Variants in GABBR2 observed in about 807,000 individuals in gnomAD.
The protein encoded by GABBR2 is gamma-aminobutyric acid type B receptor subunit 2.
GABBR2 carries 23 observed loss-of-function variants against 105.6 expected under a neutral mutation model. The observed-to-expected ratio is 0.22, with a 90% confidence interval of 0.16 to 0.31. GABBR2 has a LOEUF of 0.31. GABBR2 is among the 10% of genes least tolerant of loss of function. The pLI is 1.00. For missense variants in GABBR2, 734 were observed against 1,245.5 expected (o/e 0.59, Z 6.18); for synonymous variants, 478 against 499.7 (o/e 0.96, Z 0.58).
At chr9:98,343,915 A>T (rs1199506120) in intron 13 of GABBR2, among the ~76,000 whole-genome samples, 1 of 152,224 alleles carries the variant, frequency 6.6e-6, no homozygotes, top group African/African-American at 2.4e-5. Flanking sequence ...ATATACTCAC[A>T]CATACATACT....
chr9:98,349,313 G>T (rs1382394844), intron 13 of GABBR2, among the ~76,000 whole-genome samples: 29 of 120,144 alleles, frequency 2.4e-4, no homozygotes, highest in Non-Finnish European at 1.5e-4. Context: ...TTGATGTGTT[G>T]TTGGATTTGG....
At position 98,612,650 on chromosome 9, in the gene GABBR2, C is replaced by T. The variant is rs192745580; in HGVS notation, c.322-34578G>A. ...CTCCTCCTCCTTGCTGTAATAAACA[C>T]ACAGCAATGATAGCTGAAATACAAA... On this transcript the variant is annotated intron_variant, in intron 1 of 18. Transcript: ENST00000259455. Among the ~76,000 whole-genome samples the T allele has an allele frequency of 2.8e-3, 421 of 152,274 alleles. 13 individuals carry two copies. Among genetic ancestry groups the T allele is most frequent in the Admixed American group, 0.025 (377 of 15,296 alleles).
chr9:98,488,647 C>T (rs1201537306), intron 4 of GABBR2, among the ~76,000 whole-genome samples: 6 of 151,526 alleles, frequency 4.0e-5, no homozygotes, highest in South Asian at 4.2e-4. Flanking sequence ...TTTTTTTAAC[C>T]GCTCCTCCAC....
At chr9:98,509,758 T>C (rs1303668943) in intron 3 of GABBR2, among the ~76,000 whole-genome samples, 1 of 152,192 alleles carries the variant, frequency 6.6e-6, no homozygotes. Flanking sequence ...CTCCAAGAAA[T>C]ATGGGACTAT....
chr9:98,318,759 G>A (rs35575867), intron 13 of GABBR2, among the ~76,000 whole-genome samples: 34,589 of 152,148 alleles, frequency 0.23, 4,780 homozygotes, highest in South Asian at 0.3. Context: ...AAGTTGGCAT[G>A]CAGAACTTTC....
At chr9:98,494,931 T>A in intron 4 of GABBR2, among the ~76,000 whole-genome samples, 1 of 152,246 alleles carries the variant, frequency 6.6e-6, no homozygotes, top group South Asian at 2.1e-4. Flanking sequence ...CTATTTCAAG[T>A]GCCCACCATG....
At position 98,504,030 on chromosome 9, in the gene GABBR2, C is replaced by G. The variant is rs537806392; in HGVS notation, c.631-7516G>C. On this transcript the variant is annotated intron_variant, in intron 3 of 18. Coordinates refer to ENST00000259455, the MANE Select transcript of GABBR2 (RefSeq NM_005458.8). ...GGGTTGCCAGCCTGTCTGAAAACCC[C>G]CGAGCCCCCTGTCCCCATCTCCTCC... Among the ~76,000 whole-genome samples the G allele has an allele frequency of 2.0e-3, 304 of 152,222 alleles. 4 individuals carry two copies. The highest frequency in any genetic ancestry group is 6.7e-3 in the African/African-American group (279 of 41,544).
At chr9:98,319,417 T>G (rs1248679574) in intron 13 of GABBR2, among the ~76,000 whole-genome samples, 1 of 151,952 alleles carries the variant, frequency 6.6e-6, no homozygotes, top group African/African-American at 2.4e-5. Context: ...GTAAGCATTT[T>G]TTTTGTAGAA....
At chr9:98,403,671 G>A (rs756845147) in intron 8 of GABBR2, among the ~76,000 whole-genome samples, 73 of 151,622 alleles carry the variant, frequency 4.8e-4, no homozygotes, top group Non-Finnish European at 9.9e-4. Context: ...AGCACTTCAG[G>A]GAAACCTGAA....
At chr9:98,528,804 T>G (rs889908252) in intron 3 of GABBR2, among the ~76,000 whole-genome samples, 1 of 151,476 alleles carries the variant, frequency 6.6e-6, no homozygotes, top group African/African-American at 2.5e-5. Context: ...TGGCAGGGAA[T>G]GGTCCCGTAT....
At chr9:98,327,457 G>A (rs11998914) in intron 13 of GABBR2, among the ~76,000 whole-genome samples, 55,299 of 151,846 alleles carry the variant, frequency 0.36, 10,370 homozygotes, top group East Asian at 0.51. Context: ...TTTTAATTTT[G>A]TGCTAAAATT....
At chr9:98,484,950 A>T (rs1827013128) in intron 4 of GABBR2, among the ~76,000 whole-genome samples, 1 of 152,150 alleles carries the variant, frequency 6.6e-6, no homozygotes, top group Non-Finnish European at 1.5e-5. Context: ...GTATGGGCCC[A>T]TTCTCTTATG....
At chr9:98,622,132 A>G (rs1564133251) in intron 1 of GABBR2, among the ~76,000 whole-genome samples, 4 of 151,972 alleles carry the variant, frequency 2.6e-5, no homozygotes, top group Admixed American at 6.6e-5. Context: ...CAACTCACAT[A>G]TATTTTATTT....
chr9:98,430,113 T>C (rs914526640), intron 7 of GABBR2, among the ~76,000 whole-genome samples: 5 of 152,074 alleles, frequency 3.3e-5, no homozygotes, highest in African/African-American at 1.2e-4. Context: ...GGTGAAACCC[T>C]GTCTCTACTA....
At chr9:98,335,143 C>CCTTGCTCT (rs1831091070) in intron 13 of GABBR2, among the ~76,000 whole-genome samples, 1 of 152,034 alleles carries the variant, frequency 6.6e-6, no homozygotes, top group Admixed American at 6.5e-5. Flanking sequence ...TTTTCCTCTT[C>CCTTGCTCT]CTTGCTCTCT....
intron 13 of GABBR2, among the ~76,000 whole-genome samples, chr9:98,332,499 A>G (rs1035038014): frequency 3.3e-5 from 5 of 152,210 alleles, no homozygotes. Context: ...ACTGGGGCTC[A>G]GAGAGGTTAA....
intron 2 of GABBR2, among the ~76,000 whole-genome samples, chr9:98,559,928 G>T (rs1682054523): frequency 6.6e-6 from 1 of 151,644 alleles, no homozygotes; most frequent in African/African-American, 2.4e-5. Flanking sequence ...GTGCAGAAGA[G>T]TGTAGACTGT....
chr9:98,504,511 C>A (rs996442590), intron 3 of GABBR2, among the ~76,000 whole-genome samples: 2 of 152,218 alleles, frequency 1.3e-5, no homozygotes, highest in Non-Finnish European at 2.9e-5. Flanking sequence ...ACCACATGCA[C>A]TTTACAACTC....
chr9:98,467,999 C>T (rs1826595659), intron 6 of GABBR2, among the ~76,000 whole-genome samples: 1 of 152,188 alleles, frequency 6.6e-6, no homozygotes, highest in South Asian at 2.1e-4. Context: ...AGTCACTTTG[C>T]GGGAGTAGAA....
Sources: allele counts gnomAD v4.1 joint callset (sites outside exome capture counted in the v4.1 genomes callset), GRCh38; gene constraint gnomAD v4.1.1; transcripts MANE v1.5; gene names NCBI Gene and HGNC (gene_info 2026-07-23, HGNC 2026-07-21).